CDK17: variants seen among roughly 807,000 people sequenced by gnomAD.
The protein encoded by CDK17 is cyclin-dependent kinase 17.
Under a neutral mutation model 77.6 loss-of-function variants are expected in CDK17, and 24 were observed. The ratio of observed to expected loss-of-function variants is 0.31; its 90% CI spans 0.22 to 0.44. The LOEUF is 0.44. Among genes scored for constraint, CDK17 ranks in the 20% least tolerant of loss-of-function variants. The pLI is 1.00. For synonymous variants in CDK17, 203 were observed against 210.4 expected, an observed-to-expected ratio of 0.96 and a Z score of 0.30; for missense variants, 429 against 622.5, an observed-to-expected ratio of 0.69 and a Z score of 3.31.
chr12:96,378,948 C>A (rs926599909), intron 1 of CDK17, among the ~76,000 whole-genome samples: 2 of 152,136 alleles, frequency 1.3e-5, no homozygotes, highest in Non-Finnish European at 2.9e-5. Context: ...TCGTGTACAT[C>A]TTTCTACATA....
At chr12:96,310,027 A>G (rs1348031099) in intron 5 of CDK17, among the ~76,000 whole-genome samples, 1 of 152,214 alleles carries the variant, frequency 6.6e-6, no homozygotes, top group Non-Finnish European at 1.5e-5. Flanking sequence ...ATGCACAGGA[A>G]TGGTGATAGA....
intron 1 of CDK17, among the ~76,000 whole-genome samples, chr12:96,353,955 T>C (rs978353100): frequency 2.6e-5 from 4 of 152,138 alleles, no homozygotes; most frequent in Admixed American, 6.5e-5. Flanking sequence ...GCTGCACTTA[T>C]ATAAAACCAA....
intron 1 of CDK17, among the ~76,000 whole-genome samples, chr12:96,360,538 T>A (rs1159517739): frequency 6.6e-6 from 1 of 152,166 alleles, no homozygotes; most frequent in Non-Finnish European, 1.5e-5. Context: ...CCAAAAATTA[T>A]CAAAATAAGA....
At chr12:96,357,187 C>G (rs187096681) in intron 1 of CDK17, among the ~76,000 whole-genome samples, 24 of 152,292 alleles carry the variant, frequency 1.6e-4, no homozygotes, top group Admixed American at 1.2e-3. Context: ...TCAGGCCAGG[C>G]ACTGTGGCTC....
intron 1 of CDK17, among the ~76,000 whole-genome samples, chr12:96,353,984 T>C (rs955714650): frequency 3.9e-5 from 6 of 152,078 alleles, no homozygotes; most frequent in Admixed American, 1.3e-4. Flanking sequence ...AGAAAGGGTA[T>C]GTGTAATAAG....
At position 96,313,315 on chromosome 12, in the gene CDK17, G is replaced by T; in HGVS notation, c.417+6C>A. 6.4e-7 allele frequency: 1 copy of T among 1,571,006 alleles called. No individual in the cohort carries two copies. The highest frequency in any genetic ancestry group is 1.2e-5 in the South Asian group (1 of 83,050). On this transcript the variant is annotated splice_donor_region_variant and intron_variant, in intron 4 of 16. Coordinates refer to ENST00000261211, the MANE Select transcript of CDK17 (RefSeq NM_002595.5). ...ACAAGTATATTTGTATTTTTTAAAT[G>T]ATTACCTCCATTGAGATCCGTCTAT...
At chr12:96,307,689 G>A (rs765852550) in intron 5 of CDK17, among the ~76,000 whole-genome samples, 25 of 152,026 alleles carry the variant, frequency 1.6e-4, no homozygotes, top group South Asian at 6.2e-4. Context: ...TGGCCAACAC[G>A]GCAAAACCCC....
At chr12:96,332,752 C>T (rs192611597) in intron 2 of CDK17, among the ~76,000 whole-genome samples, 3 of 152,188 alleles carry the variant, frequency 2.0e-5, no homozygotes, top group East Asian at 1.9e-4. Flanking sequence ...CTCAATAGAT[C>T]GCCTATTTGC....
At chr12:96,320,698 G>A (rs1952803908) in intron 3 of CDK17, among the ~76,000 whole-genome samples, 1 of 149,232 alleles carries the variant, frequency 6.7e-6, no homozygotes, top group Non-Finnish European at 1.5e-5. Context: ...AGAAAAACAA[G>A]CAATGGGGAA....
intron 2 of CDK17, among the ~76,000 whole-genome samples, chr12:96,326,392 A>G (rs1407815671): frequency 7.9e-5 from 12 of 152,218 alleles, no homozygotes; most frequent in Non-Finnish European, 1.5e-4. Flanking sequence ...GGAAATGAGT[A>G]GCTAGTTATT....
chr12:96,287,922 A>G (rs1411375589), intron 11 of CDK17, among the ~76,000 whole-genome samples: 2 of 152,188 alleles, frequency 1.3e-5, no homozygotes, highest in Non-Finnish European at 2.9e-5. Flanking sequence ...TCATGAAAAG[A>G]CACACACTGC....
chr12:96,321,735 C>A (rs1356107705), intron 3 of CDK17, among the ~76,000 whole-genome samples: 1 of 104,528 alleles, frequency 9.6e-6, no homozygotes, highest in African/African-American at 3.7e-5. Flanking sequence ...CGCATATTCT[C>A]ACTCATAGGT....
At chr12:96,391,814 G>C (rs192986798) in intron 1 of CDK17, among the ~76,000 whole-genome samples, 1 of 152,200 alleles carries the variant, frequency 6.6e-6, no homozygotes, top group Non-Finnish European at 1.5e-5. Context: ...CCAAGTTACT[G>C]TCCCTCCAAG....
At chr12:96,299,066 G>T in intron 6 of CDK17, 83 bp from the exon 7 acceptor site, 1 of 640,270 alleles carries the variant, frequency 1.6e-6, no homozygotes. Context: ...AGCTCTACCT[G>T]AATTTCTAGT....
Position 96,345,989 on chromosome 12 carries a change from T to C in CDK17, c.-29-11124A>G, listed in dbSNP as rs79596558. Among the ~76,000 whole-genome samples, 753 of 152,346 alleles carry C rather than the reference T, an allele frequency of 4.9e-3. 5 individuals are homozygous for C. Among genetic ancestry groups the C allele is most frequent in the African/African-American group, 0.017 (726 of 41,576 alleles). ...AAACTCTTCAATTAAAAGGCAGAGA[T>C]TGTCAGACTGGATTTTTTAAAAACC... On this transcript the variant is annotated intron_variant, in intron 1 of 16. Transcript: ENST00000261211.
In CDK17 at chr12:96,297,672, G is replaced by A. The variant is rs780915792; in HGVS notation, c.765C>T (p.Asp255=). The A allele has an allele frequency of 1.2e-6, 2 of 1,605,102 alleles. No homozygotes were observed. Among genetic ancestry groups the A allele is most frequent in the African/African-American group, 2.7e-5 (2 of 74,620 alleles). ...LKHANIVTLH[D]IVHTDKSLTL... ...TCAAGGATTTATCTGTGTGAACAATGTCATGTAAGGTTACTATATTTGCAT... is the reference window on the plus strand; with the variant it reads ...TCAAGGATTTATCTGTGTGAACAATATCATGTAAGGTTACTATATTTGCAT... Residue 255 remains aspartate, a synonymous_variant, in exon 8 of 17, where the codon GAC becomes GAT. Transcript: ENST00000261211.
chr12:96,330,658 A>G (rs1265908107), intron 2 of CDK17, among the ~76,000 whole-genome samples: 1 of 152,192 alleles, frequency 6.6e-6, no homozygotes, highest in Non-Finnish European at 1.5e-5. Context: ...TTCAAAGTTC[A>G]TCTATGCTAC....
chr12:96,341,014 C>A (rs1953113858), intron 1 of CDK17, among the ~76,000 whole-genome samples: 5 of 152,048 alleles, frequency 3.3e-5, no homozygotes, highest in Non-Finnish European at 7.4e-5. Context: ...TCAAGTAGGC[C>A]CCGGTGTCTG....
chr12:96,287,561 C>T (rs1952262523), intron 11 of CDK17, among the ~76,000 whole-genome samples: 1 of 151,966 alleles, frequency 6.6e-6, no homozygotes, highest in Non-Finnish European at 1.5e-5. Context: ...AGGTATATAT[C>T]TAAAAGAACT....
Sources: allele counts gnomAD v4.1 joint callset (sites outside exome capture counted in the v4.1 genomes callset), GRCh38; gene constraint gnomAD v4.1.1; transcripts MANE v1.5; gene names NCBI Gene and HGNC (gene_info 2026-07-23, HGNC 2026-07-21).